SEMA4D: variants seen among roughly 807,000 people sequenced by gnomAD.
The protein encoded by SEMA4D is semaphorin 4D, also known as semaphorin-4D.
A neutral mutation model predicts 74.8 loss-of-function variants in SEMA4D; 22 were observed. The ratio of observed to expected loss-of-function variants is 0.29; its 90% CI spans 0.21 to 0.42. SEMA4D has a LOEUF of 0.42. Ranked by LOEUF, SEMA4D falls within the 10% of genes least tolerant of loss-of-function variation. The pLI is 1.00. For synonymous variants in SEMA4D, 445 were observed against 463.7 expected (o/e 0.96, Z 0.52); for missense variants, 937 against 1,118.4 (o/e 0.84, Z 2.31).
intron 2 of SEMA4D, among the ~76,000 whole-genome samples, chr9:89,438,964 CTTTTTTTTTTTTTTTTTTTTTTT>C (rs57394947): frequency 0.026 from 997 of 38,292 alleles, 50 homozygotes; most frequent in African/African-American, 0.11. Flanking sequence ...CGCACCGGGC[CTTTTTTTTTTTTTTTTTTTTTTT>C]TTTTTTTTTT....
Position 89,392,548 on chromosome 9 carries a change from C to T in SEMA4D, c.509-12G>A. 6.3e-7 allele frequency: 1 copy of T among 1,586,202 alleles called. No individual in the cohort carries two copies. The highest frequency in any genetic ancestry group is 8.7e-7 in the Non-Finnish European group (1 of 1,154,748). On this transcript the variant is annotated splice_polypyrimidine_tract_variant and intron_variant, in intron 7 of 15. Transcript: ENST00000422704. ...ATAAAGTTCTCCATCTGCAGGGGCC[C>T]AGAAGAAAAGAGGAAAAGGGAACCA... is the stretch of plus-strand genomic sequence containing the variant.
intron 1 of SEMA4D, among the ~76,000 whole-genome samples, chr9:89,488,352 CTTTTTTTTTTT>C (rs1158168446): frequency 6.4e-5 from 4 of 62,618 alleles, no homozygotes; most frequent in South Asian, 7.6e-4. Flanking sequence ...GATCACAGAT[CTTTTTTTTTTT>C]TTTTTTTTTT....
At chr9:89,454,953 A>G (rs997602804) in intron 2 of SEMA4D, among the ~76,000 whole-genome samples, 1 of 152,204 alleles carries the variant, frequency 6.6e-6, no homozygotes, top group Non-Finnish European at 1.5e-5. Context: ...TCACATTTAC[A>G]GAGAAGGAAA....
In SEMA4D at chr9:89,363,867, C is replaced by G. The variant is rs757086246; in HGVS notation, c.1966G>C (p.Asp656His). ...CAGCTGAGTGCATGGGCCCTGCCAT[C>G]GGGCAGTGCATGGGTCTGCACAGGG... The change falls in exon 17 of 19, where the codon GAT (aspartate) becomes CAT (histidine). Residue 656 changes from aspartate to histidine, a missense_variant. Coordinates refer to the SEMA4D transcript ENST00000339861. 4.3e-6 allele frequency: 7 copies of G among 1,614,126 alleles called. No homozygotes were observed. In the South Asian group the frequency reaches 6.6e-5, roughly 15 times the overall value.
chr9:89,449,848 AT>A, intron 2 of SEMA4D: 1 of 1,496,640 alleles, frequency 6.7e-7, no homozygotes, highest in South Asian at 1.1e-5. Context: ...AGAGACCAGG[AT>A]TATATTCTCA....
At chr9:89,461,482 A>C (rs1368757879) in intron 1 of SEMA4D, among the ~76,000 whole-genome samples, 1 of 152,196 alleles carries the variant, frequency 6.6e-6, no homozygotes, top group Non-Finnish European at 1.5e-5. Context: ...AAATGGCTGC[A>C]GTTCTGAGTC....
intron 2 of SEMA4D, among the ~76,000 whole-genome samples, chr9:89,439,016 C>T (rs1158259413): frequency 5.5e-5 from 7 of 127,224 alleles, no homozygotes; most frequent in Admixed American, 5.4e-4. Context: ...GAGTCTCGCT[C>T]TATCGCCCAG....
intron 2 of SEMA4D, chr9:89,450,736 A>C: frequency 7.2e-7 from 1 of 1,397,584 alleles, no homozygotes; most frequent in South Asian, 1.3e-5. Flanking sequence ...CATTAGAAGA[A>C]AATGAAGCTG....
chr9:89,478,600 G>T (rs1018915223), intron 1 of SEMA4D, among the ~76,000 whole-genome samples: 1 of 152,280 alleles, frequency 6.6e-6, no homozygotes, highest in East Asian at 1.9e-4. Context: ...TTTCCTTCAT[G>T]GTTCATTTAC....
chr9:89,438,689 G>T (rs532667684), intron 2 of SEMA4D, among the ~76,000 whole-genome samples: 1 of 151,330 alleles, frequency 6.6e-6, no homozygotes, highest in South Asian at 2.1e-4. Context: ...TTTTTAAGAC[G>T]GAGTCTCGCT....
chr9:89,414,553 G>A (rs1845288654), intron 2 of SEMA4D, among the ~76,000 whole-genome samples: 1 of 152,146 alleles, frequency 6.6e-6, no homozygotes, highest in African/African-American at 2.4e-5. Context: ...TCTGCCCCCA[G>A]AAACCCCTCT....
At chr9:89,464,337 G>A (rs78963523) in intron 1 of SEMA4D, among the ~76,000 whole-genome samples, 5 of 152,304 alleles carry the variant, frequency 3.3e-5, no homozygotes, top group Admixed American at 1.3e-4. Context: ...CCTGGGTTTC[G>A]GATGATTATA....
At chr9:89,467,662 G>A (rs1339312697) in intron 1 of SEMA4D, among the ~76,000 whole-genome samples, 1 of 151,816 alleles carries the variant, frequency 6.6e-6, no homozygotes, top group African/African-American at 2.4e-5. Flanking sequence ...CTCCCAAGTA[G>A]CTGGGATTGT....
chr9:89,383,573 G>C (rs1390057279), intron 13 of SEMA4D, among the ~76,000 whole-genome samples: 1 of 152,180 alleles, frequency 6.6e-6, no homozygotes, highest in Non-Finnish European at 1.5e-5. Context: ...GCTGAGCCAG[G>C]AATGTGGTGG....
chr9:89,384,851 C>T (rs1458188274), intron 13 of SEMA4D: 1 of 985,272 alleles, frequency 1.0e-6, no homozygotes, highest in South Asian at 4.7e-5. Context: ...CTTCCTGCTG[C>T]CATGGCCATG....
At chr9:89,402,823 C>G in intron 4 of SEMA4D, 48 bp downstream of exon 4, 1 of 1,583,908 alleles carries the variant, frequency 6.3e-7, no homozygotes, top group African/African-American at 1.3e-5. Flanking sequence ...GGAGAGGCTG[C>G]CCACTCAAGC....
intron 1 of SEMA4D, among the ~76,000 whole-genome samples, chr9:89,495,434 C>T (rs557477202): frequency 1.3e-5 from 2 of 152,270 alleles, no homozygotes; most frequent in Admixed American, 1.3e-4. Flanking sequence ...GCCCTGGACC[C>T]TGGACGGCAA....
intron 1 of SEMA4D, among the ~76,000 whole-genome samples, chr9:89,483,534 A>G (rs1039852644): frequency 6.6e-6 from 1 of 152,256 alleles, no homozygotes; most frequent in Admixed American, 6.5e-5. Flanking sequence ...GTGTACACAC[A>G]TTGACGTCAC....
chr9:89,390,439 C>T (rs1223840188), intron 9 of SEMA4D, among the ~76,000 whole-genome samples: 4 of 152,204 alleles, frequency 2.6e-5, no homozygotes, highest in African/African-American at 9.7e-5. Flanking sequence ...AGCAAAGCAC[C>T]AGGTGGATAC....
Sources: allele counts gnomAD v4.1 joint callset (sites outside exome capture counted in the v4.1 genomes callset), GRCh38; gene constraint gnomAD v4.1.1; transcripts MANE v1.5; gene names NCBI Gene and HGNC (gene_info 2026-07-23, HGNC 2026-07-21).